LIG3: variants seen among roughly 807,000 people sequenced by gnomAD.
LIG3 encodes ligase II, DNA, ATP-dependent.
LIG3 carries 58 observed loss-of-function variants against 110.9 expected under a neutral mutation model. The observed-to-expected ratio is 0.52, with a 90% CI of 0.42 to 0.65. The LOEUF is 0.65. Ranked by LOEUF, LIG3 falls within the 30% of genes least tolerant of loss-of-function variation. The pLI, the probability that LIG3 is intolerant of heterozygous loss-of-function variation, is 0.00. For synonymous variants in LIG3, 422 were observed against 472.8 expected (o/e 0.89, Z 1.39); for missense variants, 1,094 against 1,273.8 (o/e 0.86, Z 2.15).
chr17:34,998,185 T>C, intron 12 of LIG3, 34 bp from the exon 13 acceptor site: 1 of 1,569,328 alleles, frequency 6.4e-7, no homozygotes, highest in African/African-American at 1.4e-5. Flanking sequence ...TTCTCCACTC[T>C]CACACCAACT....
In LIG3 at chr17:34,996,106, G is replaced by A; in HGVS notation, c.1654G>A (p.Gly552Ser). 1 of 1,614,140 alleles carries A rather than the reference G, an allele frequency of 6.2e-7. No individual in the cohort carries two copies. Among genetic ancestry groups the A allele is most frequent in the Non-Finnish European group, 8.5e-7 (1 of 1,180,004 alleles). Residue 552 changes from glycine to serine, a missense_variant, in exon 10 of 20, where the codon GGC becomes AGC. By Grantham distance (56) the Gly-to-Ser change is moderately conservative (BLOSUM62 0). Transcript: ENST00000378526. ...CTACATTCCCCAGGCTTTTCCTGGG[G>A]GCCACAGCATGATCTTGGATTCTGA... ...KDYIPQAFPG[G>S]HSMILDSEVL...
chr17:35,002,784 A>G lies in LIG3; in HGVS notation c.2791A>G (p.Thr931Ala). 1 of 1,598,780 alleles carries G rather than the reference A, an allele frequency of 6.3e-7. No homozygotes were observed. Among genetic ancestry groups the G allele is most frequent in the South Asian group, 1.1e-5 (1 of 88,858 alleles). The stretch of plus-strand genomic sequence containing the variant: ...AGCTGCTGATGAGACGCTGTGCCAA[A>G]CAAAGGTGAGGGTAAAAACAGCAAC... ...RKAADETLCQ[T>A]KVLLDIFTGV... The change falls in exon 19 of 20, where the codon ACA becomes GCA. Residue 931 changes from threonine to alanine, a missense_variant. Coordinates refer to ENST00000378526, the MANE Select transcript of LIG3 (RefSeq NM_013975.4).
In LIG3 at chr17:34,991,232, C is replaced by T. The variant is rs911362828; in HGVS notation, c.1041+118C>T. 10 of 958,910 alleles carry T rather than the reference C, an allele frequency of 1.0e-5. No individual in the cohort carries two copies. The Admixed American group carries it at 1.8e-4, about 18-fold the overall frequency. 59.4% of individuals were successfully genotyped at this position (958,910 alleles called of 1,614,324 possible). A position where few individuals can be genotyped will look rare whatever the true frequency, so the allele number is the denominator to read the frequency against. ...CACATACTGTTTTAGGAAACTGAAA[C>T]CCATTTGAGCAAGCTTCCGTTATAG... On this transcript the variant is annotated intron_variant, in intron 5 of 19. Coordinates refer to ENST00000378526, the MANE Select transcript of LIG3 (RefSeq NM_013975.4).
In LIG3 at chr17:34,999,293, C is replaced by T. The variant is rs2090814334; in HGVS notation, c.2114-14C>T. The T allele has an allele frequency of 9.3e-6, 15 of 1,607,704 alleles. No individual in the cohort carries two copies. The highest frequency in any genetic ancestry group is 1.3e-5 in the Non-Finnish European group (15 of 1,175,926). Reference sequence around the variant, plus strand: ...GCTCCTCCAACCCACACTCATCTCACACTCCCCTCCCAGGCGGCATGATGT... The same window carrying T: ...GCTCCTCCAACCCACACTCATCTCATACTCCCCTCCCAGGCGGCATGATGT... On this transcript the variant is annotated splice_polypyrimidine_tract_variant and intron_variant, in intron 14 of 19. Transcript: ENST00000378526.
rs1367168882 is a variant in LIG3, at chr17:34,988,816, C to T, written c.692-650C>T. ...TCAACAAGGAAGTGGGCCAGGAAGT[C>T]ATTTGCTCTTCTCAGACCTCAGTCC... On this transcript the variant is annotated intron_variant, in intron 3 of 19. Transcript: ENST00000378526. Among the ~76,000 whole-genome samples the T allele has an allele frequency of 1.3e-5, 2 of 152,152 alleles. 1 individual carries two copies. The highest frequency in any genetic ancestry group is 4.8e-5 in the African/African-American group (2 of 41,418).
In LIG3 at chr17:35,004,656, A is replaced by G; in HGVS notation, c.*150A>G. On this transcript the variant is annotated 3_prime_UTR_variant, in exon 20 of 20. Transcript: ENST00000378526. ...TCTCCACTGTCTCTTCTGGACCAGG[A>G]ATTAGTTGCTGTGGGTGCCACAGCT... 1.6e-6 allele frequency: 1 copy of G among 628,114 alleles called. No individual in the cohort carries two copies. The highest frequency in any genetic ancestry group is 2.8e-6 in the Non-Finnish European group (1 of 359,096). The allele number at this position is 628,114 out of a possible 1,614,324, so 38.9% of individuals were successfully genotyped here. A position where few individuals can be genotyped will look rare whatever the true frequency, so the allele number is the denominator to read the frequency against.
In LIG3 at chr17:35,004,552, A is replaced by C; in HGVS notation, c.*46A>C. 1 of 1,514,616 alleles carries C rather than the reference A, an allele frequency of 6.6e-7. No individual in the cohort carries two copies. The highest frequency in any genetic ancestry group is 9.2e-7 in the Non-Finnish European group (1 of 1,092,438). 93.8% of individuals were successfully genotyped at this position (1,514,616 alleles called of 1,614,324 possible). ...CTCAGGCCATACTCTCCTTTACCAT[A>C]CTACTGGACTGGACTCAGGCTGGAG... On this transcript the variant is annotated 3_prime_UTR_variant, in exon 20 of 20. Transcript: ENST00000378526.
chr17:34,997,665 C>A, intron 11 of LIG3, 73 bp from the exon 12 acceptor site: 1 of 1,070,406 alleles, frequency 9.3e-7, no homozygotes, highest in Non-Finnish European at 1.5e-6. Flanking sequence ...ATCATTGTGG[C>A]CCTTCCTTCC....
intron 5 of LIG3, 28 bp from the exon 6 acceptor site, chr17:34,991,643 G>A (rs1263250287): frequency 6.2e-7 from 1 of 1,611,042 alleles, no homozygotes; most frequent in Non-Finnish European, 8.5e-7. Flanking sequence ...TAGGGTTGCA[G>A]CAGTGGCATT....
At position 34,998,615 on chromosome 17, in the gene LIG3, G is replaced by A. The variant is rs2090805813; in HGVS notation, c.2001G>A (p.Glu667=). 1.2e-6 allele frequency: 2 copies of A among 1,614,168 alleles called. No homozygotes were observed. Among genetic ancestry groups the A allele is most frequent in the African/African-American group, 2.7e-5 (2 of 75,058 alleles). Residue 667 remains glutamate (E), a synonymous_variant, in exon 14 of 20, where the codon GAG becomes GAA. Coordinates refer to ENST00000378526, the MANE Select transcript of LIG3 (RefSeq NM_013975.4). The stretch of plus-strand genomic sequence containing the variant: ...TTGCTTCCCTTCAGGGTACATATGA[G>A]CCTGGGAAGCGGCACTGGCTGAAAG... ...LVLKDVKGTY[E]PGKRHWLKVK...
At position 34,980,637 on chromosome 17, in the gene LIG3, G is replaced by T. The variant is rs1205449619; in HGVS notation, c.-5+15G>T. 4.0e-6 allele frequency: 5 copies of T among 1,238,644 alleles called. No individual in the cohort carries two copies. The highest frequency in any genetic ancestry group is 3.9e-5 in the South Asian group (3 of 76,100). 76.7% of individuals were successfully genotyped at this position (1,238,644 alleles called of 1,614,324 possible). ...CGGAGAGGCAGGTGAGGGGCTACGC[G>T]GCGCGGCACGGCGCGGCGGGGCCCG... is the stretch of plus-strand genomic sequence containing the variant. On this transcript the variant is annotated intron_variant, in intron 1 of 19. Transcript: ENST00000378526.
chr17:34,992,393 T>C (rs1328884424), intron 7 of LIG3, 131 bp from the exon 8 acceptor site: 2 of 1,049,000 alleles, frequency 1.9e-6, no homozygotes, highest in East Asian at 4.8e-5. Context: ...CTTGTGAAAG[T>C]CTTTAGACAA....
At chr17:34,994,502 C>A in intron 9 of LIG3, 71 bp downstream of exon 9, 2 of 1,446,316 alleles carry the variant, frequency 1.4e-6, no homozygotes, top group South Asian at 2.5e-5. Flanking sequence ...GGGCCAGAGT[C>A]CCATAGCCAT....
In LIG3 at chr17:34,985,975, T is replaced by C; in HGVS notation, c.548-13T>C. 1 of 1,612,294 alleles carries C rather than the reference T, an allele frequency of 6.2e-7. No homozygotes were observed. The highest frequency in any genetic ancestry group is 8.5e-7 in the Non-Finnish European group (1 of 1,178,954). On this transcript the variant is annotated splice_polypyrimidine_tract_variant and intron_variant, in intron 2 of 19. Transcript: ENST00000378526. Reference sequence around the variant, plus strand: ...CACTGAAGGATATTTTATACTCTTTTGGGATCCTACAGATCTGTCTTCTAA... The same window carrying C: ...CACTGAAGGATATTTTATACTCTTTCGGGATCCTACAGATCTGTCTTCTAA...
In LIG3 at chr17:34,999,459, G is replaced by C. The variant is rs1450033144; in HGVS notation, c.2256+10G>C. The C allele has an allele frequency of 3.1e-6, 5 of 1,612,538 alleles. No homozygotes were observed. The highest frequency in any genetic ancestry group is 1.3e-5 in the African/African-American group (1 of 74,926). On this transcript the variant is annotated intron_variant, in intron 15 of 19. Coordinates refer to ENST00000378526, the MANE Select transcript of LIG3 (RefSeq NM_013975.4). ...GGTGAAGATCAGCAAGGTGAGGAAG[G>C]GACCTGGTTGGCCATGGCCTCTGGA...
chr17:35,004,546 T>C lies in LIG3; in HGVS notation c.*40T>C, dbSNP rs566442646. Reference sequence around the variant, plus strand: ...CTCTCCCTCAGGCCATACTCTCCTTTACCATACTACTGGACTGGACTCAGG... The same window carrying C: ...CTCTCCCTCAGGCCATACTCTCCTTCACCATACTACTGGACTGGACTCAGG... On this transcript the variant is annotated 3_prime_UTR_variant, in exon 20 of 20. Transcript: ENST00000378526. 1 of 1,527,672 alleles carries C rather than the reference T, an allele frequency of 6.5e-7. No homozygotes were observed. Among genetic ancestry groups the C allele is most frequent in the East Asian group, 2.3e-5 (1 of 44,364 alleles). 94.6% of individuals were successfully genotyped at this position (1,527,672 alleles called of 1,614,324 possible). A position where few individuals can be genotyped will look rare whatever the true frequency, so the allele number is the denominator to read the frequency against.
At chr17:34,992,344 A>T (rs1228109166) in intron 7 of LIG3, among the ~76,000 whole-genome samples, 180 bp from the exon 8 acceptor site, 1 of 152,270 alleles carries the variant, frequency 6.6e-6, no homozygotes, top group Non-Finnish European at 1.5e-5. Flanking sequence ...TAGGCACAGT[A>T]TCTCAAAAGA....
At chr17:34,997,683 TC>T (rs1173793189) in intron 11 of LIG3, 54 bp from the exon 12 acceptor site, 3 of 1,301,092 alleles carry the variant, frequency 2.3e-6, no homozygotes, top group Non-Finnish European at 2.2e-6. Context: ...TCCTCAGAAT[TC>T]CTAATAAGGG....
At chr17:34,991,868 C>T (rs1306973238) in intron 6 of LIG3, 31 bp downstream of exon 6, 1 of 1,613,964 alleles carries the variant, frequency 6.2e-7, no homozygotes, top group East Asian at 2.2e-5. Flanking sequence ...AAACCATGCC[C>T]ATAGAGAGAT....
Sources: gnomAD v4.1 joint callset for allele counts (sites outside exome capture counted in the v4.1 genomes callset) on GRCh38, gnomAD v4.1.1 for gene constraint, MANE v1.5 for transcripts, NCBI Gene and HGNC (gene_info 2026-07-23, HGNC 2026-07-21) for gene names.